Variants in SORCS2 observed in about 807,000 individuals in gnomAD.
SORCS2 encodes the protein sortilin related VPS10 domain containing receptor 2, also known as VPS10 domain-containing receptor SorCS2.
SORCS2 carries 100 observed loss-of-function variants against 141.6 expected under a neutral mutation model. The ratio of observed to expected loss-of-function variants is 0.71; its 90% CI spans 0.60 to 0.83. The LOEUF is 0.83. SORCS2 is among the 40% of genes least tolerant of loss of function. The probability of loss-of-function intolerance (pLI) is 0.00; values close to 1 mark genes in which losing one functional copy is unlikely to be tolerated. For missense variants in SORCS2, 1,646 were observed against 1,560.2 expected (o/e 1.05, Z -0.93); for synonymous variants, 789 against 676.9 (o/e 1.17, Z -2.57).
At chr4:7,388,000 A>C (rs1723569073) in intron 1 of SORCS2, among the ~76,000 whole-genome samples, 1 of 107,478 alleles carries the variant, frequency 9.3e-6, no homozygotes, top group Non-Finnish European at 1.9e-5. Context: ...ACATGCACAC[A>C]CATGCACATG....
rs2359633 is a variant in SORCS2 at position 7,684,031 on chromosome 4, C to G, written c.1488+1142C>G. 2.2e-4 allele frequency among the ~76,000 whole-genome samples: 34 copies of G among 152,114 alleles called. No homozygotes were observed. The South Asian group carries it at 6.6e-3, about 30-fold the overall frequency. On this transcript the variant is annotated intron_variant, in intron 10 of 26. Coordinates refer to ENST00000507866, the MANE Select transcript of SORCS2 (RefSeq NM_020777.3). ...AAGAGGCGAAATGGGCCAAGAGAATCTGACCAGGCTTCTCACTCCCCTTCC... is the reference window on the plus strand; with the variant it reads ...AAGAGGCGAAATGGGCCAAGAGAATGTGACCAGGCTTCTCACTCCCCTTCC...
Position 7,742,305 on chromosome 4 carries a change from G to C in SORCS2, c.*2041G>C, listed in dbSNP as rs550842531. ...CCTGGCCAGCAGGCCGCCTGCAAGC[G>C]TCAGGCACACAGGGACAGACATGGC... On this transcript the variant is annotated 3_prime_UTR_variant, in exon 27 of 27. Coordinates refer to ENST00000507866, the MANE Select transcript of SORCS2 (RefSeq NM_020777.3). 1 of 152,290 alleles carries C rather than the reference G, an allele frequency of 6.6e-6. No individual in the cohort carries two copies. The highest frequency in any genetic ancestry group is 2.4e-5 in the African/African-American group (1 of 41,454). The allele number at this position is 152,290 out of a possible 1,614,324, so 9.4% of individuals were successfully genotyped here.
Position 7,695,146 on chromosome 4 carries a change from G to A in SORCS2, c.1592-2052G>A, listed in dbSNP as rs116528998. 2.2e-3 allele frequency among the ~76,000 whole-genome samples: 330 copies of A among 151,190 alleles called. 3 individuals are homozygous for A. The highest frequency in any genetic ancestry group is 7.3e-3 in the African/African-American group (300 of 41,104). ...ATACATGCAGGAGAGAGTGAGTGGT[G>A]GAACTCAGATAATAGGTAGATGGAG... On this transcript the variant is annotated intron_variant, in intron 11 of 26. Transcript: ENST00000507866.
chr4:7,633,370 C>G (rs1720023975), intron 3 of SORCS2, among the ~76,000 whole-genome samples: 1 of 152,192 alleles, frequency 6.6e-6, no homozygotes, highest in African/African-American at 2.4e-5. Context: ...GCCGTCCTCT[C>G]TGCCTGAAGC....
At chr4:7,612,486 C>T (rs962526446) in intron 3 of SORCS2, among the ~76,000 whole-genome samples, 8 of 152,132 alleles carry the variant, frequency 5.3e-5, no homozygotes, top group African/African-American at 1.7e-4. Flanking sequence ...CCTGAGTCAC[C>T]GGTAACACTA....
chr4:7,565,935 AGTGATGATG>A (rs1458637889), intron 3 of SORCS2, among the ~76,000 whole-genome samples: 26 of 136,852 alleles, frequency 1.9e-4, no homozygotes, highest in African/African-American at 6.4e-4. Flanking sequence ...TGGCAATGAT[AGTGATGATG>A]GTGATGGTAG....
chr4:7,422,738 T>C (rs1292132674), intron 2 of SORCS2, among the ~76,000 whole-genome samples: 1 of 152,112 alleles, frequency 6.6e-6, no homozygotes, highest in African/African-American at 2.4e-5. Context: ...CCGCCGTCTC[T>C]CGCCTGGACG....
At chr4:7,508,363 T>C (rs1377402297) in intron 2 of SORCS2, among the ~76,000 whole-genome samples, 2 of 148,936 alleles carry the variant, frequency 1.3e-5, no homozygotes, top group African/African-American at 4.9e-5. Flanking sequence ...TTTTTTTTTT[T>C]TTTTTTTTTG....
intron 2 of SORCS2, among the ~76,000 whole-genome samples, chr4:7,510,389 T>G (rs1283667175): frequency 6.6e-6 from 1 of 152,226 alleles, no homozygotes; most frequent in Admixed American, 6.5e-5. Context: ...GAGGGCGCCC[T>G]GTCCTGTCAC....
At chr4:7,688,795 C>T (rs1346124883) in intron 10 of SORCS2, among the ~76,000 whole-genome samples, 1 of 152,168 alleles carries the variant, frequency 6.6e-6, no homozygotes, top group African/African-American at 2.4e-5. Context: ...TCTCGTGGTG[C>T]ACCCAAGGAG....
intron 12 of SORCS2, among the ~76,000 whole-genome samples, chr4:7,702,250 G>T (rs1345508096): frequency 6.6e-6 from 1 of 152,156 alleles, no homozygotes; most frequent in South Asian, 2.1e-4. Flanking sequence ...GGGTGGGAGG[G>T]CAAAGGGGGC....
chr4:7,568,157 C>A (rs1477129863), intron 3 of SORCS2, among the ~76,000 whole-genome samples: 1 of 152,080 alleles, frequency 6.6e-6, no homozygotes, highest in Non-Finnish European at 1.5e-5. Context: ...CCTAATTATC[C>A]CCACTACACC....
At chr4:7,430,955 C>G (rs897644154) in intron 2 of SORCS2, 4 of 152,442 alleles carry the variant, frequency 2.6e-5, no homozygotes, top group Admixed American at 2.6e-4. Context: ...CCTTTAGACC[C>G]CAAGGCAGCC....
chr4:7,611,087 AC>A (rs1319522723), intron 3 of SORCS2, among the ~76,000 whole-genome samples: 1 of 152,166 alleles, frequency 6.6e-6, no homozygotes, highest in African/African-American at 2.4e-5. Context: ...GCAGCCCAGC[AC>A]CCACACGTCT....
At chr4:7,258,883 G>A (rs1481625178) in intron 1 of SORCS2, among the ~76,000 whole-genome samples, 1 of 152,190 alleles carries the variant, frequency 6.6e-6, no homozygotes, top group Non-Finnish European at 1.5e-5. Flanking sequence ...CAGTGATGAT[G>A]AGCATTTTTT....
intron 1 of SORCS2, among the ~76,000 whole-genome samples, chr4:7,329,289 T>A (rs1305834636): frequency 1.3e-5 from 2 of 152,162 alleles, no homozygotes; most frequent in Non-Finnish European, 2.9e-5. Flanking sequence ...GCATTCACAC[T>A]TGGCAAGAGG....
intron 2 of SORCS2, among the ~76,000 whole-genome samples, chr4:7,423,201 G>A (rs940508224): frequency 6.6e-6 from 1 of 152,248 alleles, no homozygotes; most frequent in African/African-American, 2.4e-5. Context: ...TCATTGCACT[G>A]ATCATAACCG....
At position 7,725,255 on chromosome 4, in the gene SORCS2, G is replaced by A. The variant is rs201083224; in HGVS notation, c.2713G>A (p.Val905Ile). Residue 905 changes from valine to isoleucine, a missense_variant, in exon 20 of 27, where the codon GTC (valine) becomes ATC (isoleucine). Val to Ile is a conservative substitution (Grantham distance 29). Transcript: ENST00000507866. ...GCTTCCCTTGAACCCTAACCTCACCGTCTTCTACTGGTGGATCGGCCACAG... is the reference window on the plus strand; with the variant it reads ...GCTTCCCTTGAACCCTAACCTCACCATCTTCTACTGGTGGATCGGCCACAG... The part of the protein sequence containing the change: ...VLLPLNPNLT[V>I]FYWWIGHSLQ... The A allele has an allele frequency of 5.9e-4, 954 of 1,613,356 alleles. 3 individuals carry two copies. Among genetic ancestry groups the A allele is most frequent in the Non-Finnish European group, 5.9e-4 (699 of 1,179,656 alleles).
intron 1 of SORCS2, among the ~76,000 whole-genome samples, chr4:7,227,897 G>T (rs370505131): frequency 1.3e-5 from 2 of 152,132 alleles, no homozygotes; most frequent in Non-Finnish European, 2.9e-5. Context: ...TCAGGGTGCC[G>T]GGGAGGGCAT....
Sources: allele counts gnomAD v4.1 joint callset (sites outside exome capture counted in the v4.1 genomes callset), GRCh38; gene constraint gnomAD v4.1.1; transcripts MANE v1.5; gene names NCBI Gene and HGNC (gene_info 2026-07-23, HGNC 2026-07-21).